PTPRD: variants seen among roughly 807,000 people sequenced by gnomAD.
PTPRD encodes the protein receptor-type tyrosine-protein phosphatase delta.
In PTPRD, 34 loss-of-function variants were observed where a neutral mutation model predicts 214.5. The observed-to-expected ratio is 0.16, with a 90% CI of 0.12 to 0.21. The LOEUF (loss-of-function observed/expected upper bound fraction) is 0.21, where lower values mean the gene tolerates loss of function less well. Ranked by LOEUF, PTPRD falls within the 10% of genes least tolerant of loss-of-function variation. The pLI is 1.00. For synonymous variants in PTPRD, 1,128 were observed against 845.7 expected (o/e 1.33, Z -5.79); for missense variants, 2,545 against 2,398.7 (o/e 1.06, Z -1.27).
intron 3 of PTPRD, among the ~76,000 whole-genome samples, chr9:10,172,545 C>T (rs2099216042): frequency 1.3e-5 from 2 of 152,168 alleles, no homozygotes; most frequent in Non-Finnish European, 2.9e-5. Flanking sequence ...GCCACTACAT[C>T]ATGCCTTGTT....
At chr9:10,222,324 C>T (rs955857895) in intron 3 of PTPRD, among the ~76,000 whole-genome samples, 1 of 151,886 alleles carries the variant, frequency 6.6e-6, no homozygotes, top group Non-Finnish European at 1.5e-5. Flanking sequence ...AATACAATAA[C>T]CATAAATCTG....
At chr9:9,421,588 C>A (rs1442019963) in intron 8 of PTPRD, among the ~76,000 whole-genome samples, 2 of 152,054 alleles carry the variant, frequency 1.3e-5, no homozygotes, top group African/African-American at 4.8e-5. Context: ...ACACCCCATG[C>A]CTCTGGCTTA....
At chr9:8,937,510 T>C (rs755387862) in intron 11 of PTPRD, among the ~76,000 whole-genome samples, 3 of 152,136 alleles carry the variant, frequency 2.0e-5, no homozygotes, top group Non-Finnish European at 2.9e-5. Flanking sequence ...TCATCATGCC[T>C]CTCCATTCTC....
At chr9:8,473,658 C>T (rs2096704864) in intron 30 of PTPRD, among the ~76,000 whole-genome samples, 1 of 152,060 alleles carries the variant, frequency 6.6e-6, no homozygotes, top group Admixed American at 6.5e-5. Flanking sequence ...CTTCTGCTTT[C>T]ATACTTTGAG....
intron 39 of PTPRD, among the ~76,000 whole-genome samples, chr9:8,374,462 T>C (rs2082620740): frequency 6.6e-6 from 1 of 151,980 alleles, no homozygotes; most frequent in Non-Finnish European, 1.5e-5. Context: ...AAAAATAATT[T>C]TTAATGTTTT....
chr9:9,660,032 A>G (rs769568718), intron 7 of PTPRD, among the ~76,000 whole-genome samples: 4 of 152,002 alleles, frequency 2.6e-5, no homozygotes, highest in Non-Finnish European at 5.9e-5. Flanking sequence ...AACACAATAT[A>G]TTTATTTTTA....
chr9:9,520,139 C>T (rs2096931617), intron 8 of PTPRD, among the ~76,000 whole-genome samples: 1 of 138,206 alleles, frequency 7.2e-6, no homozygotes, highest in Non-Finnish European at 1.7e-5. Flanking sequence ...GTGTTCTCAC[C>T]TCAATCTATT....
At chr9:8,697,751 G>C (rs1218059499) in intron 12 of PTPRD, among the ~76,000 whole-genome samples, 3 of 152,048 alleles carry the variant, frequency 2.0e-5, no homozygotes, top group African/African-American at 7.2e-5. Context: ...AGGTGTGTAT[G>C]TGTGGGTGCG....
At chr9:10,192,133 GA>G (rs1236896922) in intron 3 of PTPRD, among the ~76,000 whole-genome samples, 2 of 152,130 alleles carry the variant, frequency 1.3e-5, no homozygotes, top group Admixed American at 6.6e-5. Flanking sequence ...GAAACTTTGT[GA>G]AAAGTATCAA....
chr9:9,878,338 A>C (rs2067528927), intron 5 of PTPRD, among the ~76,000 whole-genome samples: 1 of 152,114 alleles, frequency 6.6e-6, no homozygotes, highest in Middle Eastern at 3.2e-3. Context: ...ATTGTAGTGG[A>C]AGTGTGAGTG....
In PTPRD at chr9:8,890,878, G is replaced by A. The variant is rs113293253; in HGVS notation, c.-104+127819C>T. 3.0e-3 allele frequency among the ~76,000 whole-genome samples: 450 copies of A among 152,248 alleles called. 6 individuals carry two copies. The highest frequency in any genetic ancestry group is 0.01 in the African/African-American group (424 of 41,552). ...AAAAATGAGGGCGTGAGAAGGCCAC[G>A]TTCAGCAGCTGCCTGTCTCAAAGAG... On this transcript the variant is annotated intron_variant, in intron 11 of 45. Coordinates refer to ENST00000381196, the MANE Select transcript of PTPRD (RefSeq NM_002839.4).
chr9:9,472,911 T>C (rs999450295), intron 8 of PTPRD, among the ~76,000 whole-genome samples: 5 of 152,236 alleles, frequency 3.3e-5, no homozygotes, highest in African/African-American at 9.6e-5. Context: ...ATACAAGGTG[T>C]AATAATCAAA....
At chr9:9,957,333 G>C (rs985344985) in intron 4 of PTPRD, among the ~76,000 whole-genome samples, 2 of 151,906 alleles carry the variant, frequency 1.3e-5, no homozygotes, top group African/African-American at 4.8e-5. Flanking sequence ...AATTACAAAA[G>C]ACATATTGAT....
chr9:8,484,179 G>T lies in PTPRD; in HGVS notation c.3353C>A (p.Thr1118Asn), dbSNP rs2135762690. 1 of 1,614,096 alleles carries T rather than the reference G, an allele frequency of 6.2e-7. No homozygotes were observed. Among genetic ancestry groups the T allele is most frequent in the East Asian group, 2.2e-5 (1 of 44,876 alleles). Residue 1118 changes from threonine to asparagine, a missense_variant, in exon 30 of 46, where the codon ACC (threonine) becomes AAC (asparagine). By Grantham distance (65) the Thr-to-Asn change is moderately conservative. Coordinates refer to ENST00000381196, the MANE Select transcript of PTPRD (RefSeq NM_002839.4). ...CACAGTAATCATGCCATCCAAGTTG[G>T]TCTTCCCAATGAAGGCAGGCTTGGT... ...LRTKPAFIGK[T>N]NLDGMITVQL... is the part of the protein sequence containing the mutation.
chr9:9,827,656 C>T (rs12378500), intron 5 of PTPRD, among the ~76,000 whole-genome samples: 4,191 of 151,996 alleles, frequency 0.028, 64 homozygotes, highest in Middle Eastern at 0.058. Context: ...AACTGATAAA[C>T]GGGATCTAAT....
intron 35 of PTPRD, among the ~76,000 whole-genome samples, chr9:8,425,944 T>A (rs1301291871): frequency 6.6e-6 from 1 of 152,202 alleles, no homozygotes; most frequent in Non-Finnish European, 1.5e-5. Context: ...GTACAAAATA[T>A]GAAAAGAACT....
intron 6 of PTPRD, among the ~76,000 whole-genome samples, chr9:9,739,580 T>C (rs571434339): frequency 1.3e-5 from 2 of 151,840 alleles, no homozygotes; most frequent in African/African-American, 2.4e-5. Context: ...GAATCCTCTA[T>C]TTTTTTTACT....
intron 2 of PTPRD, among the ~76,000 whole-genome samples, chr9:10,576,227 A>G (rs377622615): frequency 2.0e-5 from 3 of 152,124 alleles, no homozygotes; most frequent in African/African-American, 7.2e-5. Flanking sequence ...ATAAGTTGTA[A>G]CAGTCTAATG....
At chr9:9,192,404 G>A (rs968791970) in intron 9 of PTPRD, among the ~76,000 whole-genome samples, 1 of 152,028 alleles carries the variant, frequency 6.6e-6, no homozygotes, top group African/African-American at 2.4e-5. Context: ...GAGAGACTCA[G>A]AAAACAGGTA....
Sources: allele counts gnomAD v4.1 joint callset (sites outside exome capture counted in the v4.1 genomes callset), GRCh38; gene constraint gnomAD v4.1.1; transcripts MANE v1.5; gene names NCBI Gene and HGNC (gene_info 2026-07-23, HGNC 2026-07-21).